The following RORB variants were observed in gnomAD, a reference collection of about 807,000 sequenced individuals.
RORB encodes the protein RAR related orphan receptor B.
A neutral mutation model predicts 59.1 loss-of-function variants in RORB; 6 were observed. The ratio of observed to expected loss-of-function variants is 0.10; its 90% CI spans 0.06 to 0.20. RORB has a LOEUF of 0.20. Ranked by LOEUF, RORB falls within the 10% of genes least tolerant of loss-of-function variation. The pLI, the probability that RORB is intolerant of heterozygous loss-of-function variation, is 1.00. For missense variants in RORB, 320 were observed against 560.5 expected, an observed-to-expected ratio of 0.57 and a Z score of 4.33; for synonymous variants, 215 against 204.5, an observed-to-expected ratio of 1.05 and a Z score of -0.44.
intron 1 of RORB, among the ~76,000 whole-genome samples, chr9:74,564,668 T>C (rs1587361465): frequency 6.6e-6 from 1 of 152,174 alleles, no homozygotes. Context: ...TGGTGAAAGG[T>C]AGGTAGAGTT....
chr9:74,575,097 A>G (rs1192130553), intron 1 of RORB, among the ~76,000 whole-genome samples: 1 of 152,170 alleles, frequency 6.6e-6, no homozygotes, highest in African/African-American at 2.4e-5. Context: ...CACCTTAAAT[A>G]CCTGGACTGA....
At chr9:74,631,915 T>C (rs1823624946) in intron 2 of RORB, among the ~76,000 whole-genome samples, 1 of 152,186 alleles carries the variant, frequency 6.6e-6, no homozygotes, top group African/African-American at 2.4e-5. Context: ...GATAGACAAA[T>C]AGTTTTCTTC....
chr9:74,615,432 C>A (rs1823296405), intron 1 of RORB, among the ~76,000 whole-genome samples: 1 of 152,170 alleles, frequency 6.6e-6, no homozygotes, highest in Non-Finnish European at 1.5e-5. Context: ...AGCCTTTCAC[C>A]CTTACTTAAT....
chr9:74,671,368 A>C (rs1824343601), intron 8 of RORB, among the ~76,000 whole-genome samples: 1 of 152,242 alleles, frequency 6.6e-6, no homozygotes, highest in Non-Finnish European at 1.5e-5. Flanking sequence ...ATCTGATGAA[A>C]GAATAAGCTG....
At chr9:74,548,129 G>C (rs540974508) in intron 1 of RORB, among the ~76,000 whole-genome samples, 3 of 152,294 alleles carry the variant, frequency 2.0e-5, no homozygotes, top group East Asian at 3.9e-4. Flanking sequence ...TTTTTAGCAA[G>C]AGCAGCCAGG....
At chr9:74,530,986 C>A (rs1313352430) in intron 1 of RORB, among the ~76,000 whole-genome samples, 3 of 151,694 alleles carry the variant, frequency 2.0e-5, no homozygotes, top group South Asian at 2.1e-4. Context: ...ATTCTTATCC[C>A]AGAAATGATT....
chr9:74,635,706 C>T (rs1005542757), intron 3 of RORB, among the ~76,000 whole-genome samples: 1 of 152,086 alleles, frequency 6.6e-6, no homozygotes, highest in African/African-American at 2.4e-5. Flanking sequence ...TAGACAATGC[C>T]CTGACACTTT....
intron 1 of RORB, among the ~76,000 whole-genome samples, chr9:74,565,556 T>C (rs1822457744): frequency 6.6e-6 from 1 of 152,206 alleles, no homozygotes; most frequent in African/African-American, 2.4e-5. Context: ...TTTAATTTGA[T>C]AAGTAGACGT....
At chr9:74,633,603 G>A (rs1007350793) in intron 2 of RORB, among the ~76,000 whole-genome samples, 5 of 152,260 alleles carry the variant, frequency 3.3e-5, no homozygotes, top group Admixed American at 6.5e-5. Context: ...GTGAATGGAC[G>A]AATGATAACT....
intron 1 of RORB, among the ~76,000 whole-genome samples, chr9:74,572,959 T>C (rs1247507046): frequency 6.6e-6 from 1 of 152,200 alleles, no homozygotes; most frequent in Non-Finnish European, 1.5e-5. Flanking sequence ...ACGGTAATTT[T>C]CACTCTTCAG....
chr9:74,557,596 T>C (rs1822326638), intron 1 of RORB, among the ~76,000 whole-genome samples: 2 of 152,264 alleles, frequency 1.3e-5, no homozygotes, highest in Non-Finnish European at 2.9e-5. Flanking sequence ...TATGCAAATA[T>C]ACCAATACTT....
intron 4 of RORB, among the ~76,000 whole-genome samples, chr9:74,644,464 A>G (rs1271744309): frequency 3.3e-5 from 5 of 152,246 alleles, no homozygotes; most frequent in East Asian, 3.8e-4. Context: ...ACCGAAGCTT[A>G]GAGATGTCTC....
chr9:74,576,559 GCAAA>G (rs1214667413), intron 1 of RORB, among the ~76,000 whole-genome samples: 1 of 152,032 alleles, frequency 6.6e-6, no homozygotes, highest in Non-Finnish European at 1.5e-5. Flanking sequence ...TGATTATAAT[GCAAA>G]CAATTTTTTT....
chr9:74,505,959 G>A (rs1432699162), intron 1 of RORB, among the ~76,000 whole-genome samples: 1 of 150,428 alleles, frequency 6.6e-6, no homozygotes, highest in East Asian at 1.9e-4. Flanking sequence ...GTAAGGAAGA[G>A]GGTACAGCTT....
chr9:74,577,176 G>GT (rs1224876972), intron 1 of RORB, among the ~76,000 whole-genome samples: 9 of 151,778 alleles, frequency 5.9e-5, no homozygotes, highest in Non-Finnish European at 1.0e-4. Flanking sequence ...ATTTTGCTGG[G>GT]TTTTTTTTCT....
At chr9:74,596,392 G>C (rs1439396641) in intron 1 of RORB, among the ~76,000 whole-genome samples, 1 of 152,158 alleles carries the variant, frequency 6.6e-6, no homozygotes. Flanking sequence ...TGATAACTCA[G>C]GGACCAGAGG....
chr9:74,634,133 A>G (rs1028843239), intron 2 of RORB, among the ~76,000 whole-genome samples: 2 of 128,924 alleles, frequency 1.6e-5, no homozygotes, highest in African/African-American at 5.2e-5. Flanking sequence ...CAAAAATTTT[A>G]TGGTGGGGAA....
intron 1 of RORB, among the ~76,000 whole-genome samples, chr9:74,614,907 ACACTGGGGAAATGAAGT>A (rs1055057165): frequency 1.5e-4 from 23 of 152,160 alleles, no homozygotes; most frequent in Non-Finnish European, 5.9e-5. Context: ...GCACCAGGGC[ACACTGGGGAAATGAAGT>A]CACTTTAGAC....
At chr9:74,678,108 A>G (rs1266103421) in intron 9 of RORB, among the ~76,000 whole-genome samples, 1 of 152,178 alleles carries the variant, frequency 6.6e-6, no homozygotes, top group Non-Finnish European at 1.5e-5. Context: ...TAGATTCTAA[A>G]TAGATTGACA....
Sources: allele counts gnomAD v4.1 joint callset (sites outside exome capture counted in the v4.1 genomes callset), GRCh38; gene constraint gnomAD v4.1.1; transcripts MANE v1.5; gene names NCBI Gene and HGNC (gene_info 2026-07-23, HGNC 2026-07-21).